The following VEPH1 variants were observed in gnomAD, a reference collection of about 807,000 sequenced individuals.
VEPH1 encodes ventricular zone expressed PH domain containing 1, also known as ventricular zone-expressed PH domain-containing protein homolog 1.
Under a neutral mutation model 85.2 loss-of-function variants are expected in VEPH1, and 80 were observed. That is an observed-to-expected ratio of 0.94 (90% confidence interval 0.78 to 1.13). The LOEUF is 1.13. VEPH1 is among the 50% of genes most tolerant of loss of function. VEPH1 has a pLI of 0.00. For missense variants in VEPH1, 955 were observed against 980.5 expected (o/e 0.97, Z 0.35); for synonymous variants, 297 against 348.0 (o/e 0.85, Z 1.63).
chr3:157,455,183 G>C (rs73158516), intron 4 of VEPH1, among the ~76,000 whole-genome samples: 22,137 of 152,126 alleles, frequency 0.15, 2,021 homozygotes, highest in African/African-American at 0.24. Context: ...GCTTTCCACA[G>C]TGGCTGAACT....
intron 1 of VEPH1, among the ~76,000 whole-genome samples, chr3:157,500,126 G>T (rs1006713140): frequency 6.6e-6 from 1 of 152,146 alleles, no homozygotes; most frequent in East Asian, 1.9e-4. Flanking sequence ...TATTGGATTT[G>T]TACTTTTAAA....
At chr3:157,325,608 A>G (rs1721815031) in intron 9 of VEPH1, among the ~76,000 whole-genome samples, 1 of 152,094 alleles carries the variant, frequency 6.6e-6, no homozygotes, top group Non-Finnish European at 1.5e-5. Context: ...TCCTTTCCCC[A>G]TTGCTTATTT....
At chr3:157,440,117 A>C (rs1734006354) in intron 4 of VEPH1, among the ~76,000 whole-genome samples, 1 of 152,062 alleles carries the variant, frequency 6.6e-6, no homozygotes. Context: ...TTTTTATTTG[A>C]TTTTAATTAA....
intron 9 of VEPH1, 36 bp from the exon 10 acceptor site, chr3:157,317,237 T>G: frequency 6.4e-7 from 1 of 1,563,182 alleles, no homozygotes; most frequent in Non-Finnish European, 8.7e-7. Flanking sequence ...AACGTTATGG[T>G]CTTTCCAGAG....
At chr3:157,392,389 C>T (rs1288537341) in intron 6 of VEPH1, among the ~76,000 whole-genome samples, 9 of 152,148 alleles carry the variant, frequency 5.9e-5, no homozygotes, top group South Asian at 2.1e-4. Flanking sequence ...TTCACTATCA[C>T]GAGAACAGCA....
intron 4 of VEPH1, among the ~76,000 whole-genome samples, chr3:157,445,151 C>A (rs967194682): frequency 6.6e-6 from 1 of 152,152 alleles, no homozygotes; most frequent in Non-Finnish European, 1.5e-5. Context: ...CCAGGAGACC[C>A]CATGCAACAA....
At chr3:157,275,385 G>T (rs1286807702) in intron 12 of VEPH1, among the ~76,000 whole-genome samples, 2 of 152,124 alleles carry the variant, frequency 1.3e-5, no homozygotes, top group Admixed American at 6.5e-5. Context: ...AGACCAGCCT[G>T]GGCAACATGG....
At chr3:157,455,390 C>T (rs980742448) in intron 4 of VEPH1, among the ~76,000 whole-genome samples, 36 of 150,192 alleles carry the variant, frequency 2.4e-4, no homozygotes, top group Admixed American at 6.6e-4. Flanking sequence ...GCTTTCATGT[C>T]TTCTTTTGAG....
At chr3:157,282,427 G>C (rs1030854381) in intron 12 of VEPH1, among the ~76,000 whole-genome samples, 1 of 152,194 alleles carries the variant, frequency 6.6e-6, no homozygotes. Flanking sequence ...GATGAATCAT[G>C]ATAGAAAGTT....
intron 9 of VEPH1, among the ~76,000 whole-genome samples, chr3:157,329,531 G>A (rs1029776178): frequency 3.3e-5 from 5 of 151,924 alleles, no homozygotes; most frequent in African/African-American, 4.8e-5. Context: ...CTTTCAAGTT[G>A]TCTTCATGTA....
At chr3:157,360,624 T>C (rs1287275064) in intron 9 of VEPH1, among the ~76,000 whole-genome samples, 3 of 152,096 alleles carry the variant, frequency 2.0e-5, no homozygotes, top group Non-Finnish European at 2.9e-5. Context: ...CTACCGAACA[T>C]CATAGCCTAG....
intron 9 of VEPH1, among the ~76,000 whole-genome samples, chr3:157,325,415 G>A (rs1048099398): frequency 2.0e-5 from 3 of 152,062 alleles, no homozygotes; most frequent in Middle Eastern, 3.2e-3. Context: ...ATCTTTGCCT[G>A]TGCCTATGTC....
At chr3:157,379,505 A>G (rs1728518933) in intron 7 of VEPH1, among the ~76,000 whole-genome samples, 2 of 152,148 alleles carry the variant, frequency 1.3e-5, no homozygotes, top group South Asian at 2.1e-4. Context: ...AGCCCATTGT[A>G]TGCACTTTTA....
At chr3:157,492,269 C>T (rs1009782013) in intron 2 of VEPH1, among the ~76,000 whole-genome samples, 6 of 152,156 alleles carry the variant, frequency 3.9e-5, no homozygotes, top group Admixed American at 6.5e-5. Flanking sequence ...AGTAAACAGA[C>T]TTGAGAACAG....
intron 9 of VEPH1, among the ~76,000 whole-genome samples, chr3:157,340,224 C>T (rs1464660124): frequency 1.3e-5 from 2 of 152,202 alleles, no homozygotes; most frequent in Non-Finnish European, 2.9e-5. Flanking sequence ...CAGGGTGAGT[C>T]ATCACCTCAC....
chr3:157,438,086 T>G (rs1216951406), intron 4 of VEPH1, among the ~76,000 whole-genome samples: 6 of 149,950 alleles, frequency 4.0e-5, no homozygotes. Context: ...TATTTCTGCA[T>G]GCGCGGTCAC....
At chr3:157,346,924 G>C (rs1724291551) in intron 9 of VEPH1, among the ~76,000 whole-genome samples, 1 of 151,980 alleles carries the variant, frequency 6.6e-6, no homozygotes, top group East Asian at 1.9e-4. Flanking sequence ...CCTAAATTTT[G>C]AATTAAATCC....
intron 12 of VEPH1, among the ~76,000 whole-genome samples, chr3:157,270,601 A>G (rs564983767): frequency 3.2e-4 from 49 of 152,198 alleles, no homozygotes; most frequent in Non-Finnish European, 5.3e-4. Context: ...ATGAGTAAGT[A>G]TAATAATAAC....
rs1726402777 is a variant in VEPH1, at chr3:157,364,387, G to A, written c.1253C>T (p.Ala418Val). The change falls in exon 8 of 14, where the codon GCA (alanine) becomes GTA (valine). Residue 418 changes from alanine (A) to valine (V), a missense_variant. Coordinates refer to ENST00000362010, the MANE Select transcript of VEPH1 (RefSeq NM_001167912.2). ...GATAGAGCCAGGGGTATTGCTCCCT[G>A]CATTTATCTTGTCTTCAAAAGCCTG... is the stretch of plus-strand genomic sequence containing the variant. ...KIQAFEDKIN[A>V]GSNTPGSIRR... is the part of the protein sequence containing the mutation. 1.2e-6 allele frequency: 2 copies of A among 1,613,840 alleles called. No individual in the cohort carries two copies. The highest frequency in any genetic ancestry group is 1.7e-5 in the Admixed American group (1 of 60,000).
Sources: allele counts gnomAD v4.1 joint callset (sites outside exome capture counted in the v4.1 genomes callset), GRCh38; gene constraint gnomAD v4.1.1; transcripts MANE v1.5; gene names NCBI Gene and HGNC (gene_info 2026-07-23, HGNC 2026-07-21).